ANK1: variants seen among roughly 807,000 people sequenced by gnomAD.
The protein encoded by ANK1 is ankyrin 1, also known as ankyrin-1.
A neutral mutation model predicts 210.4 loss-of-function variants in ANK1; 51 were observed. The ratio of observed to expected loss-of-function variants is 0.24; its 90% confidence interval spans 0.19 to 0.31. The LOEUF (loss-of-function observed/expected upper bound fraction) is 0.31. Ranked by LOEUF, ANK1 falls within the 10% of genes least tolerant of loss-of-function variation. The pLI, the probability that ANK1 is intolerant of heterozygous loss-of-function variation, is 1.00. For synonymous variants in ANK1, 967 were observed against 1,025.9 expected (o/e 0.94, Z 1.10); for missense variants, 2,051 against 2,504.4 (o/e 0.82, Z 3.86).
chr8:41,800,309 C>T (rs748463625), upstream of ANK1, among the ~76,000 whole-genome samples: 13 of 152,164 alleles, frequency 8.5e-5, no homozygotes, highest in Non-Finnish European at 1.2e-4. Flanking sequence ...CTGTAATTCA[C>T]TCTCGTCAGA....
intron 2 of ANK1, among the ~76,000 whole-genome samples, chr8:41,752,804 C>CG: frequency 6.6e-6 from 1 of 151,774 alleles, no homozygotes; most frequent in South Asian, 2.1e-4. Context: ...ACAGGCCCCC[C>CG]CCCACTGCAC....
chr8:41,726,033 T>A (rs1269467143), intron 5 of ANK1, 87 bp from the exon 6 acceptor site: 1 of 1,474,584 alleles, frequency 6.8e-7, no homozygotes, highest in East Asian at 2.4e-5. Flanking sequence ...CTCGGGCTTA[T>A]GCTCCCAGCA....
intron 42 of ANK1, chr8:41,660,336 T>C: frequency 2.3e-6 from 1 of 439,692 alleles, no homozygotes; most frequent in Non-Finnish European, 4.6e-6. Flanking sequence ...GCCTCCTTGC[T>C]GCTCGGTCCC....
chr8:41,834,887 G>A (rs908391713), intron 1 of ANK1, among the ~76,000 whole-genome samples: 5 of 152,198 alleles, frequency 3.3e-5, no homozygotes, highest in African/African-American at 9.6e-5. Context: ...CAGTGCTGCC[G>A]CCTACTGCTC....
At chr8:41,803,090 A>AAGGAAGGGAAGGGAAGGGAAGGG (rs777806034) in intron 1 of ANK1, among the ~76,000 whole-genome samples, 1 of 24,912 alleles carries the variant, frequency 4.0e-5, no homozygotes. Context: ...GAAGGGAAGG[A>AAGGAAGGGAAGGGAAGGGAAGGG]AAGGAAAGGA....
chr8:41,703,450 A>ATATTTTTT (rs59985416), intron 20 of ANK1, among the ~76,000 whole-genome samples: 1 of 58,820 alleles, frequency 1.7e-5, no homozygotes, highest in African/African-American at 9.0e-5. Flanking sequence ...ATATATATAT[A>ATATTTTTT]TTTTTTTTTT....
At chr8:41,811,521 T>G (rs1185857347) in intron 1 of ANK1, among the ~76,000 whole-genome samples, 1 of 109,812 alleles carries the variant, frequency 9.1e-6, no homozygotes, top group African/African-American at 4.2e-5. Flanking sequence ...ATCAGCCCCA[T>G]TCGGAATAAA....
At chr8:41,714,118 G>A in intron 16 of ANK1, 38 bp downstream of exon 16, 2 of 1,291,124 alleles carry the variant, frequency 1.5e-6, no homozygotes, top group Non-Finnish European at 1.0e-6. Flanking sequence ...CAGGTGACCT[G>A]CTCTCCAGGG....
intron 16 of ANK1, among the ~76,000 whole-genome samples, chr8:41,709,584 G>A (rs1019325783): frequency 2.0e-5 from 3 of 152,298 alleles, no homozygotes; most frequent in East Asian, 1.9e-4. Context: ...TTCATTTCTC[G>A]AAGTTGTTAG....
chr8:41,696,723 G>C lies in ANK1; in HGVS notation c.2688C>G (p.Thr896=), dbSNP rs377333429. 1.2e-6 allele frequency: 2 copies of C among 1,602,452 alleles called. No individual in the cohort carries two copies. Among genetic ancestry groups the C allele is most frequent in the Middle Eastern group, 1.7e-4 (1 of 6,044 alleles). ...CCGGGCTGATGTTGTCTGAGGTCTCGGTGGCCGGGCTGCTGGGGATGAGGG... is the reference window on the plus strand; with the variant it reads ...CCGGGCTGATGTTGTCTGAGGTCTCCGTGGCCGGGCTGCTGGGGATGAGGG... The part of the protein sequence containing the change: ...EDSLIPSSPA[T]ETSDNISPVA... The change falls in exon 25 of 43, where the codon ACC becomes ACG. Residue 896 remains threonine (T), a synonymous_variant. Transcript: ENST00000289734.
chr8:41,788,347 C>A (rs780469949), intron 1 of ANK1, among the ~76,000 whole-genome samples: 2 of 152,172 alleles, frequency 1.3e-5, no homozygotes, highest in Non-Finnish European at 2.9e-5. Flanking sequence ...AGTCAGATTT[C>A]TCATTGTGAA....
intron 1 of ANK1, among the ~76,000 whole-genome samples, chr8:41,838,767 AAATAAT>A (rs58514602): frequency 7.1e-6 from 1 of 140,512 alleles, no homozygotes; most frequent in African/African-American, 2.7e-5. Context: ...TCCGTCTCAA[AAATAAT>A]AATAATAATA....
chr8:41,782,035 G>A (rs141074085), intron 1 of ANK1, among the ~76,000 whole-genome samples: 6 of 152,120 alleles, frequency 3.9e-5, no homozygotes, highest in Non-Finnish European at 8.8e-5. Context: ...TAAATAACTG[G>A]GATTTTTAAA....
At chr8:41,724,000 G>A (rs1297921595) in intron 7 of ANK1, among the ~76,000 whole-genome samples, 2 of 151,790 alleles carry the variant, frequency 1.3e-5, no homozygotes, top group African/African-American at 4.8e-5. Flanking sequence ...GTGTTAGCCA[G>A]GATGGTCTCG....
chr8:41,836,715 C>G (rs1375071335), intron 1 of ANK1, among the ~76,000 whole-genome samples: 2 of 152,044 alleles, frequency 1.3e-5, no homozygotes, highest in Non-Finnish European at 2.9e-5. Flanking sequence ...AGTTCAACAC[C>G]AGCCTGGGCA....
intron 22 of ANK1, chr8:41,700,365 AG>A (rs1586223514): frequency 6.7e-7 from 1 of 1,502,022 alleles, no homozygotes; most frequent in Non-Finnish European, 9.3e-7. Flanking sequence ...AGTGAGCATC[AG>A]GGTTGCTTAG....
intron 1 of ANK1, among the ~76,000 whole-genome samples, chr8:41,807,998 TGAAAGA>T (rs1563820772): frequency 6.7e-6 from 1 of 149,702 alleles, no homozygotes; most frequent in Non-Finnish European, 1.5e-5. Context: ...GAGAGGATGA[TGAAAGA>T]GGAAGAGGAA....
At chr8:41,849,089 G>A (rs1434516794) in intron 1 of ANK1, among the ~76,000 whole-genome samples, 1 of 152,234 alleles carries the variant, frequency 6.6e-6, no homozygotes, top group Non-Finnish European at 1.5e-5. Flanking sequence ...ACTAAACTGT[G>A]TGAACTTGGA....
chr8:41,694,864 G>A lies in ANK1; in HGVS notation c.3116-61C>T. ...ATCAGGCACAGGTTCAGGACTTCCA[G>A]GGGCCCCAGAGTCTCCTTGTCCCCA... On this transcript the variant is annotated intron_variant, in intron 27 of 42. Coordinates refer to ENST00000289734, the MANE Select transcript of ANK1 (RefSeq NM_000037.4). This position sits in a 1 kb window ranked among gnomAD's most constrained non-coding sequence, Gnocchi z 5.7. 1.3e-6 allele frequency: 2 copies of A among 1,566,068 alleles called. No homozygotes were observed. Among genetic ancestry groups the A allele is most frequent in the Non-Finnish European group, 1.7e-6 (2 of 1,144,012 alleles).
Sources: gnomAD v4.1 joint callset for allele counts (sites outside exome capture counted in the v4.1 genomes callset) on GRCh38, gnomAD v4.1.1 for gene constraint, Gnocchi (gnomAD v3.1) non-coding constraint, MANE v1.5 for transcripts, NCBI Gene and HGNC (gene_info 2026-07-23, HGNC 2026-07-21) for gene names.